The following LIFR variants were observed in gnomAD, a reference collection of about 807,000 sequenced individuals.
LIFR encodes leukemia inhibitory factor receptor.
In LIFR, 84 loss-of-function variants were observed where a neutral mutation model predicts 122.2. The ratio of observed to expected loss-of-function variants is 0.69; its 90% CI spans 0.58 to 0.82. The LOEUF (loss-of-function observed/expected upper bound fraction) is 0.82, where lower values mean the gene tolerates loss of function less well. LIFR is among the 40% of genes least tolerant of loss of function. The probability of loss-of-function intolerance (pLI) is 0.00; values close to 1 mark genes in which losing one functional copy is unlikely to be tolerated. For missense variants in LIFR, 1,294 were observed against 1,311.6 expected (o/e 0.99, Z 0.21); for synonymous variants, 422 against 434.7 (o/e 0.97, Z 0.36).
At chr5:38,512,756 T>C (rs1228461199) in intron 5 of LIFR, among the ~76,000 whole-genome samples, 1 of 152,132 alleles carries the variant, frequency 6.6e-6, no homozygotes, top group Non-Finnish European at 1.5e-5. Flanking sequence ...TTAAAACATT[T>C]TGAGTTTTGG....
chr5:38,486,088 C>T, intron 16 of LIFR, 108 bp from the exon 17 acceptor site: 1 of 980,966 alleles, frequency 1.0e-6, no homozygotes, highest in South Asian at 1.4e-5. Context: ...TAGCTGAGGC[C>T]ATCCCAGCCA....
Position 38,482,593 on chromosome 5 carries a change from C to T in LIFR, c.2666G>A (p.Cys889Tyr). 6.9e-7 allele frequency: 1 copy of T among 1,457,282 alleles called. No homozygotes were observed. The highest frequency in any genetic ancestry group is 9.4e-7 in the Non-Finnish European group (1 of 1,061,764). The allele number at this position is 1,457,282 out of a possible 1,614,324, so 90.3% of individuals were successfully genotyped here. A position where few individuals can be genotyped will look rare whatever the true frequency, so the allele number is the denominator to read the frequency against. Residue 889 changes from cysteine to tyrosine, a missense_variant, in exon 19 of 20, where the codon TGT becomes TAT. Coordinates refer to ENST00000453190, the MANE Select transcript of LIFR (RefSeq NM_001127671.2). Reference protein sequence around the residue: ...CKALQFQKSVCEGSSALKTLE... With the variant: ...CKALQFQKSVYEGSSALKTLE... ...TATAAGAAAATAAAAGATTACCTCA[C>T]AGACACTCTTTTGAAACTGTAATGC...
chr5:38,486,142 C>A (rs1030520932), intron 16 of LIFR, among the ~76,000 whole-genome samples, 162 bp from the exon 17 acceptor site: 5 of 152,192 alleles, frequency 3.3e-5, no homozygotes, highest in African/African-American at 1.2e-4. Flanking sequence ...TCTACCCCCA[C>A]GCCAGTCATT....
chr5:38,571,143 C>T (rs533899601), intron 1 of LIFR, among the ~76,000 whole-genome samples: 12 of 152,160 alleles, frequency 7.9e-5, no homozygotes, highest in Admixed American at 5.9e-4. Context: ...TCTTCATCAG[C>T]CAAAGGTTAA....
At chr5:38,526,644 C>T (rs1046302576) in intron 4 of LIFR, among the ~76,000 whole-genome samples, 3 of 152,124 alleles carry the variant, frequency 2.0e-5, no homozygotes, top group African/African-American at 7.2e-5. Flanking sequence ...CCATCTCCTC[C>T]GTTCCTTACA....
intron 2 of LIFR, 93 bp from the exon 3 acceptor site, chr5:38,528,933 A>G: frequency 2.4e-6 from 2 of 821,122 alleles, no homozygotes; most frequent in Non-Finnish European, 4.1e-6. Context: ...TAAAAAGTCA[A>G]CCATTTTCAG....
rs10637374 is a variant in LIFR, at chr5:38,528,849, G to GAC, written c.143-11_143-10dup. 48,878 of 918,996 alleles carry GAC rather than the reference G, an allele frequency of 0.053. 1,378 individuals carry two copies. Among genetic ancestry groups the GAC allele is most frequent in the African/African-American group, 0.24 (13,717 of 58,158 alleles). 56.9% of individuals were successfully genotyped at this position (918,996 alleles called of 1,614,324 possible). On this transcript the variant is annotated splice_polypyrimidine_tract_variant and intron_variant, in intron 2 of 19. Transcript: ENST00000453190. Reference sequence around the variant, plus strand: ...CAAATCATGAGGAGCCCCTGGAGGAGACACACACACACACACACACACACA... The same window carrying GAC: ...CAAATCATGAGGAGCCCCTGGAGGAGACACACACACACACACACACACACACA...
At chr5:38,563,227 C>T (rs983418041) in intron 1 of LIFR, among the ~76,000 whole-genome samples, 1 of 152,200 alleles carries the variant, frequency 6.6e-6, no homozygotes, top group Non-Finnish European at 1.5e-5. Flanking sequence ...AACCTTTCCA[C>T]TACCCTAATC....
chr5:38,509,028 T>G (rs1745651438), intron 7 of LIFR, among the ~76,000 whole-genome samples: 1 of 152,230 alleles, frequency 6.6e-6, no homozygotes, highest in African/African-American at 2.4e-5. Context: ...GAGATGTTAC[T>G]GCTGCTCAAC....
At chr5:38,604,679 C>T (rs941472197) in intron 2 of LIFR, among the ~76,000 whole-genome samples, 7 of 150,926 alleles carry the variant, frequency 4.6e-5, no homozygotes, top group African/African-American at 7.3e-5. Context: ...CCAGCCTGGG[C>T]GACAGGGCAA....
In LIFR at chr5:38,481,650, G is replaced by T. The variant is rs943207929; in HGVS notation, c.3239C>A (p.Ser1080Tyr). ...IPPKDEDSPK[S>Y]NGGGWSFTNF... Reference sequence around the variant, plus strand: ...TGTAAAGGACCACCCTCCTCCATTAGATTTAGGAGAGTCTTCATCTTTAGG... The same window carrying T: ...TGTAAAGGACCACCCTCCTCCATTATATTTAGGAGAGTCTTCATCTTTAGG... The change falls in exon 20 of 20, where the codon TCT becomes TAT. Residue 1080 changes from serine (S) to tyrosine (Y), a missense_variant. Physicochemically the swap from Ser to Tyr is moderately radical, Grantham distance 144. Transcript: ENST00000453190. 6.2e-6 allele frequency: 10 copies of T among 1,613,908 alleles called. No homozygotes were observed. Among genetic ancestry groups the T allele is most frequent in the Non-Finnish European group, 8.5e-6 (10 of 1,179,886 alleles).
rs1580121057 is a variant in LIFR at position 38,528,772 on chromosome 5, A to G, written c.211T>C (p.Ser71Pro). 6.3e-7 allele frequency: 1 copy of G among 1,599,308 alleles called. No homozygotes were observed. Among genetic ancestry groups the G allele is most frequent in the East Asian group, 2.2e-5 (1 of 44,454 alleles). Residue 71 changes from serine to proline, a missense_variant, in exon 3 of 20, where the codon TCT (serine) becomes CCT (proline). Ser to Pro is a moderately conservative substitution (Grantham distance 74). Coordinates refer to ENST00000453190, the MANE Select transcript of LIFR (RefSeq NM_001127671.2). ...TAATCAGTACCACGGCCTGTTCCAG[A>G]GGGTGCTTTCCAAGAACAGTTCCAC... ...QVWNCSWKAP[S>P]GTGRGTDYEV...
chr5:38,505,592 G>T lies in LIFR; in HGVS notation c.1291+313C>A, dbSNP rs146908751. On this transcript the variant is annotated intron_variant, in intron 9 of 19. Transcript: ENST00000453190. ...AATAGCCAGGGGATGGGTTCACAAGGCTCTTATTATTGTAACTACCAGTGA... is the reference window on the plus strand; with the variant it reads ...AATAGCCAGGGGATGGGTTCACAAGTCTCTTATTATTGTAACTACCAGTGA... Among the ~76,000 whole-genome samples, 897 of 152,126 alleles carry T rather than the reference G, an allele frequency of 5.9e-3. 12 individuals are homozygous for T. Among genetic ancestry groups the T allele is most frequent in the African/African-American group, 0.02 (845 of 41,490 alleles).
intron 11 of LIFR, among the ~76,000 whole-genome samples, chr5:38,501,965 C>A (rs1462989599): frequency 2.0e-5 from 3 of 147,816 alleles, no homozygotes; most frequent in African/African-American, 4.9e-5. Context: ...CTAACAAATT[C>A]TCTTTTTTAG....
At chr5:38,542,980 G>GA (rs780116740) in intron 1 of LIFR, among the ~76,000 whole-genome samples, 14 of 151,698 alleles carry the variant, frequency 9.2e-5, no homozygotes, top group East Asian at 1.9e-4. Context: ...TTTTCCCTGG[G>GA]AAAAAATATG....
chr5:38,587,463 A>G (rs1479048966), intron 1 of LIFR, among the ~76,000 whole-genome samples: 2 of 148,814 alleles, frequency 1.3e-5, no homozygotes, highest in Non-Finnish European at 3.0e-5. Context: ...AGAGTCAGGT[A>G]GCACTTCCGA....
chr5:38,593,581 A>G (rs1043222694), intron 1 of LIFR, among the ~76,000 whole-genome samples: 6 of 151,824 alleles, frequency 4.0e-5, no homozygotes, highest in African/African-American at 1.5e-4. Context: ...GAGGAGGGGG[A>G]TAGACGGGTG....
At chr5:38,592,877 A>G (rs1749973722) in intron 1 of LIFR, among the ~76,000 whole-genome samples, 1 of 152,070 alleles carries the variant, frequency 6.6e-6, no homozygotes, top group Non-Finnish European at 1.5e-5. Flanking sequence ...GTCAGGAACA[A>G]TTGTATCTTT....
intron 7 of LIFR, among the ~76,000 whole-genome samples, chr5:38,507,622 T>C (rs1745564781): frequency 6.6e-6 from 1 of 151,924 alleles, no homozygotes; most frequent in Non-Finnish European, 1.5e-5. Context: ...CTGCTTATTG[T>C]AGAAATTCAT....
Sources: gnomAD v4.1 joint callset for allele counts (sites outside exome capture counted in the v4.1 genomes callset) on GRCh38, gnomAD v4.1.1 for gene constraint, MANE v1.5 for transcripts, NCBI Gene and HGNC (gene_info 2026-07-23, HGNC 2026-07-21) for gene names.